SLC39A10: variants seen among roughly 807,000 people sequenced by gnomAD.
SLC39A10 encodes zinc transporter ZIP10.
A neutral mutation model predicts 65.1 loss-of-function variants in SLC39A10; 13 were observed. That is an observed-to-expected ratio of 0.20 (90% CI 0.13 to 0.32). SLC39A10 has a LOEUF of 0.32. Among genes scored for constraint, SLC39A10 ranks in the 10% least tolerant of loss-of-function variants. The pLI, the probability that SLC39A10 is intolerant of heterozygous loss-of-function variation, is 1.00. For missense variants in SLC39A10, 831 were observed against 1,018.4 expected, an observed-to-expected ratio of 0.82 and a Z score of 2.50; for synonymous variants, 321 against 342.2, an observed-to-expected ratio of 0.94 and a Z score of 0.68.
intron 2 of SLC39A10, among the ~76,000 whole-genome samples, chr2:195,643,177 G>T (rs991034472): frequency 1.6e-4 from 24 of 152,194 alleles, no homozygotes; most frequent in Admixed American, 1.6e-3. Flanking sequence ...AGTAAATAGA[G>T]TACCAGTTGA....
chr2:195,697,416 G>T (rs1251277253), intron 3 of SLC39A10, among the ~76,000 whole-genome samples: 1 of 151,936 alleles, frequency 6.6e-6, no homozygotes, highest in Non-Finnish European at 1.5e-5. Context: ...GCAATATTTT[G>T]TAGTTTTCTT....
At position 195,683,971 on chromosome 2, in the gene SLC39A10, T is replaced by G. The variant is rs1011374261; in HGVS notation, c.1216+65T>G. 3.7e-6 allele frequency: 4 copies of G among 1,091,986 alleles called. No individual in the cohort carries two copies. In the Admixed American group the frequency reaches 9.8e-5, roughly 27 times the overall value. The allele number at this position is 1,091,986 out of a possible 1,614,324, so 67.6% of individuals were successfully genotyped here. On this transcript the variant is annotated intron_variant, in intron 3 of 9. Transcript: ENST00000359634. ...CTGTACTTACTTTTTAAACTATAGTTGAATTAGAAAAGAATCCTAAATTAT... is the reference window on the plus strand; with the variant it reads ...CTGTACTTACTTTTTAAACTATAGTGGAATTAGAAAAGAATCCTAAATTAT...
At chr2:195,617,719 C>A (rs58746414) in intron 2 of SLC39A10, among the ~76,000 whole-genome samples, 112,036 of 147,106 alleles carry the variant, frequency 0.76, 43,178 homozygotes, top group African/African-American at 0.82. Flanking sequence ...CTTTTCTTTT[C>A]TTTTCTTTTA....
At chr2:195,666,726 T>C (rs1689652153) in intron 1 of SLC39A10, among the ~76,000 whole-genome samples, 2 of 152,346 alleles carry the variant, frequency 1.3e-5, no homozygotes, top group Admixed American at 1.3e-4. Flanking sequence ...TCTCCCAAAG[T>C]GCTGGGATTA....
intron 9 of SLC39A10, 141 bp from the exon 10 acceptor site, chr2:195,734,742 G>T: frequency 1.3e-6 from 1 of 783,320 alleles, no homozygotes. Flanking sequence ...CATCTGGTGG[G>T]TAGCATTGTG....
chr2:195,733,689 C>T (rs546587478), intron 9 of SLC39A10, among the ~76,000 whole-genome samples: 17 of 152,134 alleles, frequency 1.1e-4, no homozygotes, highest in African/African-American at 3.6e-4. Flanking sequence ...CACCACCATG[C>T]CCAGCTGATT....
At chr2:195,657,690 G>A in intron 1 of SLC39A10, 2 of 945,424 alleles carry the variant, frequency 2.1e-6, no homozygotes, top group Non-Finnish European at 2.5e-6. Flanking sequence ...GCTGCGCGCC[G>A]GCCGCGGATG....
chr2:195,656,849 G>A (rs1689159415), upstream of SLC39A10: 2 of 152,246 alleles, frequency 1.3e-5, no homozygotes, highest in South Asian at 4.1e-4. Context: ...CGAAAGCCAG[G>A]AGAAAAGGCG....
chr2:195,676,172 A>G (rs1298251961), intron 1 of SLC39A10, among the ~76,000 whole-genome samples: 2 of 151,756 alleles, frequency 1.3e-5, no homozygotes, highest in East Asian at 3.9e-4. Flanking sequence ...ATGGCTTGCT[A>G]TAAGCTTCCC....
intron 2 of SLC39A10, among the ~76,000 whole-genome samples, chr2:195,646,333 A>G (rs373369658): frequency 2.6e-5 from 4 of 152,088 alleles, no homozygotes; most frequent in African/African-American, 9.7e-5. Flanking sequence ...CAGTTCAACA[A>G]TTTCTCTTTA....
intron 2 of SLC39A10, among the ~76,000 whole-genome samples, chr2:195,613,832 G>A (rs1688149302): frequency 6.6e-6 from 1 of 152,192 alleles, no homozygotes; most frequent in South Asian, 2.1e-4. Flanking sequence ...GAAAATGGTT[G>A]CTAATATTTA....
chr2:195,722,084 A>G (rs1692065183), intron 8 of SLC39A10, among the ~76,000 whole-genome samples: 2 of 152,222 alleles, frequency 1.3e-5, no homozygotes, highest in Non-Finnish European at 2.9e-5. Flanking sequence ...GAGCTCTGGT[A>G]AAAAACTGGA....
chr2:195,628,624 A>G (rs1688520274), intron 2 of SLC39A10, among the ~76,000 whole-genome samples: 1 of 152,214 alleles, frequency 6.6e-6, no homozygotes, highest in Non-Finnish European at 1.5e-5. Context: ...CAAATGTGAT[A>G]AGCACTTTGA....
At chr2:195,723,751 A>C (rs1398594497) in intron 8 of SLC39A10, among the ~76,000 whole-genome samples, 2 of 152,198 alleles carry the variant, frequency 1.3e-5, no homozygotes, top group African/African-American at 2.4e-5. Context: ...TTGATTAAAA[A>C]AAAAAAATAC....
In SLC39A10 at chr2:195,626,528, A is replaced by G. The variant is rs1247480524; in HGVS notation, c.-12+20295A>G. Among the ~76,000 whole-genome samples, 3 of 152,186 alleles carry G rather than the reference A, an allele frequency of 2.0e-5. No individual in the cohort carries two copies. The East Asian group carries it at 5.8e-4, about 29-fold the overall frequency. On this transcript the variant is annotated intron_variant, in intron 2 of 2. Transcript: ENST00000458054. ...TAACAAAATTTTAATTAGACATATA[A>G]TGGAGAAAATAATACAAGTACTTTT...
intron 3 of SLC39A10, 137 bp from the exon 4 acceptor site, chr2:195,706,475 TAAAC>T (rs374012418): frequency 2.7e-6 from 2 of 732,122 alleles, no homozygotes; most frequent in African/African-American, 3.7e-5. Context: ...GTTTTGTTTT[TAAAC>T]AATGCCTTAA....
intron 2 of SLC39A10, among the ~76,000 whole-genome samples, chr2:195,617,718 T>G (rs1688249353): frequency 7.1e-6 from 1 of 140,416 alleles, no homozygotes; most frequent in South Asian, 2.3e-4. Flanking sequence ...TCTTTTCTTT[T>G]CTTTTCTTTT....
At chr2:195,631,846 T>C (rs1688592022) in intron 2 of SLC39A10, among the ~76,000 whole-genome samples, 1 of 152,190 alleles carries the variant, frequency 6.6e-6, no homozygotes, top group South Asian at 2.1e-4. Flanking sequence ...TGTAACATAA[T>C]ATTTATTGCT....
At chr2:195,686,020 G>A (rs1690511315) in intron 3 of SLC39A10, among the ~76,000 whole-genome samples, 1 of 152,154 alleles carries the variant, frequency 6.6e-6, no homozygotes, top group South Asian at 2.1e-4. Flanking sequence ...ATGAAGTAAT[G>A]AAAAACTATG....
Sources: gnomAD v4.1 joint callset for allele counts (sites outside exome capture counted in the v4.1 genomes callset) on GRCh38, gnomAD v4.1.1 for gene constraint, MANE v1.5 for transcripts, NCBI Gene and HGNC (gene_info 2026-07-23, HGNC 2026-07-21) for gene names.